The following SCN10A variants were observed in gnomAD, a reference collection of about 807,000 sequenced individuals.
SCN10A encodes the protein sodium voltage-gated channel alpha subunit 10.
In SCN10A, 162 loss-of-function variants were observed where a neutral mutation model predicts 170.7. The ratio of observed to expected loss-of-function variants is 0.95; its 90% CI spans 0.84 to 1.08. SCN10A has a LOEUF of 1.08. SCN10A is among the 50% of genes least tolerant of loss of function. The probability of loss-of-function intolerance (pLI) is 0.00; values close to 1 mark genes in which losing one functional copy is unlikely to be tolerated. For missense variants in SCN10A, 2,527 were observed against 2,436.9 expected, an observed-to-expected ratio of 1.04 and a Z score of -0.78; for synonymous variants, 985 against 904.6, an observed-to-expected ratio of 1.09 and a Z score of -1.59.
At chr3:38,805,636 T>C (rs1329576601) in intron 1 of SCN10A, among the ~76,000 whole-genome samples, 1 of 152,132 alleles carries the variant, frequency 6.6e-6, no homozygotes, top group Non-Finnish European at 1.5e-5. Flanking sequence ...AGGAAAGATA[T>C]AGCATTTGAA....
chr3:38,718,436 A>T (rs1370467056), intron 21 of SCN10A, among the ~76,000 whole-genome samples: 1 of 152,108 alleles, frequency 6.6e-6, no homozygotes, highest in Non-Finnish European at 1.5e-5. Flanking sequence ...AGACCTAATA[A>T]CTCACCTAAC....
chr3:38,784,683 A>G (rs1439419929), intron 4 of SCN10A, among the ~76,000 whole-genome samples: 6 of 152,176 alleles, frequency 3.9e-5, no homozygotes, highest in African/African-American at 1.4e-4. Flanking sequence ...GAAAAGAGGA[A>G]GTCAAATTGT....
intron 15 of SCN10A, among the ~76,000 whole-genome samples, chr3:38,738,324 T>G (rs2063592845): frequency 6.6e-6 from 1 of 152,202 alleles, no homozygotes; most frequent in Non-Finnish European, 1.5e-5. Context: ...CATCTTTGCC[T>G]GTCTACCTGA....
At chr3:38,767,461 A>C (rs921553862) in intron 5 of SCN10A, among the ~76,000 whole-genome samples, 1 of 151,980 alleles carries the variant, frequency 6.6e-6, no homozygotes, top group African/African-American at 2.4e-5. Flanking sequence ...CAGTTCAAAA[A>C]ATTTTTAAAC....
At chr3:38,701,431 C>T (rs547350742) in intron 27 of SCN10A, among the ~76,000 whole-genome samples, 204 of 152,264 alleles carry the variant, frequency 1.3e-3, no homozygotes, top group African/African-American at 4.7e-3. Flanking sequence ...TCTCCTTTTC[C>T]AGAACAGATT....
chr3:38,739,397 G>T, intron 15 of SCN10A, 118 bp downstream of exon 15: 1 of 905,294 alleles, frequency 1.1e-6, no homozygotes, highest in Non-Finnish European at 1.6e-6. Flanking sequence ...GTCAGACCCT[G>T]CTCCCTCCCA....
chr3:38,767,013 A>G (rs1246267861), intron 5 of SCN10A, among the ~76,000 whole-genome samples: 1 of 151,732 alleles, frequency 6.6e-6, no homozygotes, highest in African/African-American at 2.4e-5. Context: ...TAGTTTGTGC[A>G]AATAAAGGTG....
chr3:38,716,127 C>G (rs2063331553), intron 21 of SCN10A, among the ~76,000 whole-genome samples: 1 of 152,090 alleles, frequency 6.6e-6, no homozygotes, highest in Non-Finnish European at 1.5e-5. Flanking sequence ...TATAGCTGCT[C>G]TTGCCACAGG....
At chr3:38,720,147 C>G (rs987024758) in intron 20 of SCN10A, among the ~76,000 whole-genome samples, 1 of 152,152 alleles carries the variant, frequency 6.6e-6, no homozygotes, top group East Asian at 1.9e-4. Context: ...TCTCAGCTTC[C>G]GATTCTGTGT....
chr3:38,800,438 G>A (rs2064364279), intron 1 of SCN10A, among the ~76,000 whole-genome samples: 1 of 152,200 alleles, frequency 6.6e-6, no homozygotes, highest in Non-Finnish European at 1.5e-5. Flanking sequence ...CCTTTGAGAA[G>A]CACTGAAATT....
Position 38,750,054 on chromosome 3 carries a change from T to C in SCN10A, c.1867+19A>G, listed in dbSNP as rs772218330. ...TCATCATGACACAGTGGATGAACAA[T>C]GCAGTGAGCAGCACTTACCCTCAAG... is the stretch of plus-strand genomic sequence containing the variant. On this transcript the variant is annotated intron_variant, in intron 13 of 27. Transcript: ENST00000449082. The C allele has an allele frequency of 5.3e-6, 7 of 1,329,054 alleles. No homozygotes were observed. The highest frequency in any genetic ancestry group is 7.6e-6 in the Non-Finnish European group (7 of 921,964). The allele number at this position is 1,329,054 out of a possible 1,614,324, so 82.3% of individuals were successfully genotyped here.
chr3:38,746,100 T>TATATCTATCTAG (rs71085336), intron 13 of SCN10A, among the ~76,000 whole-genome samples: 12 of 99,816 alleles, frequency 1.2e-4, no homozygotes, highest in Non-Finnish European at 2.0e-4. Context: ...TATATATATA[T>TATATCTATCTAG]GCCATCTTTG....
rs149892218 is a variant in SCN10A at position 38,761,274 on chromosome 3, G to A, written c.801C>T (p.Leu267=). ...ATTTATTTTTGAGGTTGCCCTTGAA[G>A]AGTTGCAGCCCCACCAAGGCAAAAA... is the stretch of plus-strand genomic sequence containing the variant. ...LSVFALVGLQ[L]FKGNLKNKCV... The change falls in exon 7 of 28, where the codon CTC becomes CTT. Residue 267 remains leucine (L), a synonymous_variant. Transcript: ENST00000449082. The A allele has an allele frequency of 6.2e-7, 1 of 1,614,050 alleles. No homozygotes were observed. Among genetic ancestry groups the A allele is most frequent in the Non-Finnish European group, 8.5e-7 (1 of 1,179,960 alleles).
At position 38,710,848 on chromosome 3, in the gene SCN10A, C is replaced by T. The variant is rs149155352; in HGVS notation, c.4139G>A (p.Arg1380Gln). 289 of 1,613,402 alleles carry T rather than the reference C, an allele frequency of 1.8e-4. No homozygotes were observed. Among genetic ancestry groups the T allele is most frequent in the East Asian group, 3.3e-4 (15 of 44,844 alleles). The change falls in exon 24 of 28, where the codon CGG (arginine) becomes CAG (glutamine). Residue 1380 changes from arginine (R) to glutamine (Q), a missense_variant. Transcript: ENST00000449082. ...GGACAGTGGGCTGAGACTCACCTCC[C>T]GGGAATCAACAGCTGCATACATAAT... ...MDIMYAAVDS[R>Q]EVNMQPKWED...
chr3:38,722,786 T>A (rs2063408302), intron 19 of SCN10A, among the ~76,000 whole-genome samples: 1 of 152,180 alleles, frequency 6.6e-6, no homozygotes, highest in Non-Finnish European at 1.5e-5. Flanking sequence ...GGCCACGACG[T>A]GGCTGGGATG....
intron 3 of SCN10A, among the ~76,000 whole-genome samples, chr3:38,789,616 C>G (rs913470240): frequency 6.6e-6 from 1 of 152,028 alleles, no homozygotes; most frequent in Non-Finnish European, 1.5e-5. Context: ...AGGAAATGGT[C>G]TTCTGGGTAG....
At chr3:38,770,132 C>A (rs1192659213) in intron 5 of SCN10A, among the ~76,000 whole-genome samples, 2 of 152,134 alleles carry the variant, frequency 1.3e-5, no homozygotes, top group South Asian at 2.1e-4. Context: ...TTTTCTTTTT[C>A]CTGGGATCAA....
At chr3:38,718,920 C>G in intron 20 of SCN10A, 94 bp from the exon 21 acceptor site, 1 of 1,203,404 alleles carries the variant, frequency 8.3e-7, no homozygotes, top group African/African-American at 1.5e-5. Context: ...GCCCTGACCA[C>G]AGTCCCTGGA....
At position 38,752,515 on chromosome 3, in the gene SCN10A, G is replaced by A; in HGVS notation, c.1462-3C>T. On this transcript the variant is annotated splice_polypyrimidine_tract_variant and splice_region_variant and intron_variant, in intron 11 of 27. Coordinates refer to ENST00000449082, the MANE Select transcript of SCN10A (RefSeq NM_006514.4). The stretch of plus-strand genomic sequence containing the variant: ...CCAGAGGCGAGGCCTAGAAAAGACT[G>A]GGCATTGCCCCAAAGGAGCAAGAAG... 6.4e-7 allele frequency: 1 copy of A among 1,562,562 alleles called. No homozygotes were observed. The highest frequency in any genetic ancestry group is 8.7e-7 in the Non-Finnish European group (1 of 1,153,688).
Sources: gnomAD v4.1 joint callset for allele counts (sites outside exome capture counted in the v4.1 genomes callset) on GRCh38, gnomAD v4.1.1 for gene constraint, MANE v1.5 for transcripts, NCBI Gene and HGNC (gene_info 2026-07-23, HGNC 2026-07-21) for gene names.